Variants in MFF observed in about 807,000 individuals in gnomAD.
MFF encodes the protein mitochondrial fission factor, also known as chromosome 2 open reading frame 33.
MFF carries 12 observed loss-of-function variants against 36.9 expected under a neutral mutation model. The ratio of observed to expected loss-of-function variants is 0.33; its 90% CI spans 0.21 to 0.53. The LOEUF is 0.53. MFF is among the 20% of genes least tolerant of loss of function. The pLI, the probability that MFF is intolerant of heterozygous loss-of-function variation, is 0.95. For synonymous variants in MFF, 99 were observed against 126.2 expected (o/e 0.78, Z 1.44); for missense variants, 348 against 366.6 (o/e 0.95, Z 0.42).
At chr2:227,349,357 T>A (rs899587668) in intron 6 of MFF, among the ~76,000 whole-genome samples, 5 of 152,104 alleles carry the variant, frequency 3.3e-5, no homozygotes, top group Non-Finnish European at 5.9e-5. Context: ...TGTATTTTTT[T>A]AATAATGAAA....
At chr2:227,350,385 AG>A (rs2075934479) in intron 6 of MFF, among the ~76,000 whole-genome samples, 2 of 152,270 alleles carry the variant, frequency 1.3e-5, no homozygotes, top group Admixed American at 1.3e-4. Context: ...TTCCTGTGTA[AG>A]AACCTTATTT....
chr2:227,342,593 C>T, intron 5 of MFF: 1 of 591,440 alleles, frequency 1.7e-6, no homozygotes, highest in South Asian at 2.2e-5. Context: ...AGCAGGAGCA[C>T]TAGCCTTTGT....
chr2:227,353,003 G>C (rs529987964), intron 7 of MFF, among the ~76,000 whole-genome samples: 30 of 152,230 alleles, frequency 2.0e-4, no homozygotes, highest in African/African-American at 4.6e-4. Context: ...TGTTTGTAAG[G>C]CTTCATCTTA....
In MFF at chr2:227,357,243, C is replaced by T; in HGVS notation, c.*126C>T. ...TCCACACCCTGAAAATGTATTTCTT[C>T]CAGAAAGTCTGGAGGAAGGACCTAT... On this transcript the variant is annotated 3_prime_UTR_variant, in exon 9 of 9. Coordinates refer to ENST00000304593, the MANE Select transcript of MFF (RefSeq NM_001277062.2). The T allele has an allele frequency of 9.3e-7, 1 of 1,074,684 alleles. No individual in the cohort carries two copies. Among genetic ancestry groups the T allele is most frequent in the Non-Finnish European group, 1.3e-6 (1 of 757,008 alleles). The allele number at this position is 1,074,684 out of a possible 1,614,324, so 66.6% of individuals were successfully genotyped here.
Position 227,332,582 on chromosome 2 carries a change from T to C in MFF, c.345T>C (p.Asn115=). ...DLERPPTTPQ[N]EEIRAVGRLK... Reference sequence around the variant, plus strand: ...AAAGACCTCCTACAACCCCTCAAAATGAAGAAGTAAGTAGAACTTTAGTAT... The same window carrying C: ...AAAGACCTCCTACAACCCCTCAAAACGAAGAAGTAAGTAGAACTTTAGTAT... Residue 115 remains asparagine (N), a synonymous_variant, in exon 4 of 9, where the codon AAT becomes AAC. Transcript: ENST00000304593. The C allele has an allele frequency of 6.2e-7, 1 of 1,606,716 alleles. No homozygotes were observed. The highest frequency in any genetic ancestry group is 8.5e-7 in the Non-Finnish European group (1 of 1,176,716).
intron 8 of MFF, 65 bp downstream of exon 8, chr2:227,355,826 T>A (rs2076228444): frequency 1.0e-6 from 1 of 968,780 alleles, no homozygotes; most frequent in Admixed American, 1.9e-5. Context: ...AAAGTGATAG[T>A]TCTCAACATT....
intron 8 of MFF, 39 bp from the exon 9 acceptor site, chr2:227,356,947 C>T (rs759282301): frequency 2.0e-6 from 3 of 1,526,046 alleles, no homozygotes; most frequent in South Asian, 2.3e-5. Flanking sequence ...TCATTAAAGC[C>T]TCTATATTAT....
chr2:227,340,911 A>G (rs574499931), intron 5 of MFF, among the ~76,000 whole-genome samples: 4 of 152,314 alleles, frequency 2.6e-5, no homozygotes, highest in South Asian at 4.1e-4. Flanking sequence ...GATTTTTACA[A>G]ACAAAATGTT....
At chr2:227,350,812 A>G (rs1448522201) in intron 6 of MFF, among the ~76,000 whole-genome samples, 1 of 152,190 alleles carries the variant, frequency 6.6e-6, no homozygotes, top group Non-Finnish European at 1.5e-5. Flanking sequence ...TCTACAAAAC[A>G]TACTGTTGAG....
intron 5 of MFF, among the ~76,000 whole-genome samples, chr2:227,345,289 GT>G (rs1197116075): frequency 6.6e-6 from 1 of 152,094 alleles, no homozygotes. Flanking sequence ...CATCCATTAA[GT>G]TTTTTTCATG....
At chr2:227,355,476 T>G in intron 7 of MFF, 1 of 311,598 alleles carries the variant, frequency 3.2e-6, no homozygotes, top group Non-Finnish European at 5.9e-6. Flanking sequence ...CCTTTTTCAA[T>G]ATTGTAGACA....
At chr2:227,354,678 G>C (rs76406863) in intron 7 of MFF, among the ~76,000 whole-genome samples, 313 of 152,134 alleles carry the variant, frequency 2.1e-3, no homozygotes, top group African/African-American at 7.1e-3. Flanking sequence ...AACTACATTG[G>C]AACAAAAAGT....
intron 8 of MFF, 56 bp from the exon 9 acceptor site, chr2:227,356,930 G>A: frequency 1.5e-6 from 2 of 1,312,046 alleles, no homozygotes; most frequent in Middle Eastern, 1.9e-4. Context: ...GAATCTGATT[G>A]CCCTATTCAT....
intron 4 of MFF, among the ~76,000 whole-genome samples, chr2:227,339,961 A>G (rs568513617): frequency 7.7e-4 from 118 of 152,376 alleles, no homozygotes; most frequent in African/African-American, 2.7e-3. Context: ...AATTGTTCTT[A>G]TAAATAAGTA....
chr2:227,352,622 T>A, intron 7 of MFF, 49 bp downstream of exon 7: 1 of 1,430,258 alleles, frequency 7.0e-7, no homozygotes, highest in Non-Finnish European at 9.6e-7. Context: ...TGGCGGAATT[T>A]GTGTGTTGCA....
At chr2:227,352,598 C>T (rs1559987620) in intron 7 of MFF, 25 bp downstream of exon 7, 1 of 1,442,860 alleles carries the variant, frequency 6.9e-7, no homozygotes, top group African/African-American at 1.8e-5. Context: ...TTCGTAATTA[C>T]CAGGGTAAAT....
At chr2:227,326,226 GA>G (rs58063493) in intron 1 of MFF, among the ~76,000 whole-genome samples, 2,277 of 133,364 alleles carry the variant, frequency 0.017, 25 homozygotes, top group South Asian at 0.046. Flanking sequence ...CATTAAAGGG[GA>G]AAAAAAAAAA....
intron 5 of MFF, among the ~76,000 whole-genome samples, chr2:227,342,995 GA>G (rs879838989): frequency 6.5e-4 from 93 of 143,944 alleles, no homozygotes; most frequent in Middle Eastern, 3.6e-3. Flanking sequence ...CTTTATTAAG[GA>G]AAAAAAAAAA....
chr2:227,351,277 A>G (rs11692634), intron 6 of MFF, among the ~76,000 whole-genome samples: 12,791 of 152,238 alleles, frequency 0.084, 562 homozygotes, highest in Admixed American at 0.11. Context: ...ATGTTCCCCC[A>G]AAAAGTCTCT....
Sources: allele counts gnomAD v4.1 joint callset (sites outside exome capture counted in the v4.1 genomes callset), GRCh38; gene constraint gnomAD v4.1.1; transcripts MANE v1.5; gene names NCBI Gene and HGNC (gene_info 2026-07-23, HGNC 2026-07-21).